The following KIF27 variants were observed in gnomAD, a reference collection of about 807,000 sequenced individuals.
KIF27 encodes the protein kinesin family member 27.
Under a neutral mutation model 141.8 loss-of-function variants are expected in KIF27, and 84 were observed. That is an observed-to-expected ratio of 0.59 (90% CI 0.50 to 0.71). KIF27 has a LOEUF of 0.71. KIF27 is among the 30% of genes least tolerant of loss of function. The pLI is 0.00. For synonymous variants in KIF27, 471 were observed against 569.5 expected, an observed-to-expected ratio of 0.83 and a Z score of 2.46; for missense variants, 1,306 against 1,628.4, an observed-to-expected ratio of 0.80 and a Z score of 3.41.
chr9:83,918,301 GAGAA>G (rs995478520), intron 1 of KIF27, among the ~76,000 whole-genome samples: 1 of 116,244 alleles, frequency 8.6e-6, no homozygotes, highest in Non-Finnish European at 1.6e-5. Flanking sequence ...CAAAGAGAGA[GAGAA>G]AGAGAGAACG....
At chr9:83,902,138 TATA>T (rs1049110587) in intron 4 of KIF27, among the ~76,000 whole-genome samples, 3 of 152,160 alleles carry the variant, frequency 2.0e-5, no homozygotes, top group African/African-American at 7.2e-5. Context: ...ATGCCTTCTT[TATA>T]ATATTACATG....
At chr9:83,844,347 G>GATATCTATATCT (rs201626105) in intron 16 of KIF27, among the ~76,000 whole-genome samples, 1 of 149,814 alleles carries the variant, frequency 6.7e-6, no homozygotes, top group Non-Finnish European at 1.5e-5. Context: ...TATTTATATA[G>GATATCTATATCT]ATATCTATAT....
intron 13 of KIF27, 107 bp downstream of exon 13, chr9:83,867,577 C>T: frequency 7.4e-7 from 1 of 1,354,784 alleles, no homozygotes. Context: ...CCAATTTCTC[C>T]ACCTCCTCCC....
chr9:83,888,548 G>A lies in KIF27; in HGVS notation c.2024C>T (p.Ser675Phe). 1 of 1,597,970 alleles carries A rather than the reference G, an allele frequency of 6.3e-7. No individual in the cohort carries two copies. Among genetic ancestry groups the A allele is most frequent in the Middle Eastern group, 1.7e-4 (1 of 6,016 alleles). Reference sequence around the variant, plus strand: ...CTGAGTATCACTCAATTCAACAAGGGAACAAACAGAGTCTGGCTTCTGAAT... The same window carrying A: ...CTGAGTATCACTCAATTCAACAAGGAAACAAACAGAGTCTGGCTTCTGAAT... Reference protein sequence around the residue: ...SWIQKPDSVCSLVELSDTQDE... With the variant: ...SWIQKPDSVCFLVELSDTQDE... Residue 675 changes from serine (S) to phenylalanine (F), a missense_variant, in exon 8 of 18, where the codon TCC becomes TTC. This residue lies in a region of KIF27 where 596 missense variants were observed against 751.6 expected (regional missense o/e 0.79). Coordinates refer to ENST00000297814, the MANE Select transcript of KIF27 (RefSeq NM_017576.4).
intron 2 of KIF27, 27 bp downstream of exon 2, chr9:83,915,267 A>G (rs1955576103): frequency 1.4e-5 from 22 of 1,550,948 alleles, no homozygotes; most frequent in Non-Finnish European, 1.9e-5. Flanking sequence ...CGTCACAAAT[A>G]AAAGTCAAAG....
intron 11 of KIF27, among the ~76,000 whole-genome samples, chr9:83,875,932 G>T (rs1325198953): frequency 6.6e-6 from 1 of 151,744 alleles, no homozygotes; most frequent in Non-Finnish European, 1.5e-5. Flanking sequence ...GTAAGAAAGG[G>T]ATGGGAAAAA....
intron 10 of KIF27, among the ~76,000 whole-genome samples, chr9:83,883,152 A>G (rs1197918978): frequency 6.6e-6 from 1 of 152,222 alleles, no homozygotes; most frequent in Non-Finnish European, 1.5e-5. Context: ...AAATGTTTCT[A>G]TAACATGAAA....
rs758653034 is a variant in KIF27 at position 83,915,627 on chromosome 9, A to T, written c.-36T>A. On this transcript the variant is annotated 5_prime_UTR_variant, in exon 2 of 18. Coordinates refer to ENST00000297814, the MANE Select transcript of KIF27 (RefSeq NM_017576.4). ...ATTTTACTAAATAGATTTTCTATTT[A>T]ATGTTCAGTATCTAGTGTGAGAGAC... 3.3e-5 allele frequency: 51 copies of T among 1,527,364 alleles called. No individual in the cohort carries two copies. The highest frequency in any genetic ancestry group is 4.5e-5 in the Non-Finnish European group (51 of 1,131,736). The allele number at this position is 1,527,364 out of a possible 1,614,324, so 94.6% of individuals were successfully genotyped here.
chr9:83,907,291 AAAATAAAT>A (rs201873830), intron 3 of KIF27, among the ~76,000 whole-genome samples: 33,405 of 138,324 alleles, frequency 0.24, 4,248 homozygotes, highest in East Asian at 0.38. Flanking sequence ...CTCCATCTCA[AAAATAAAT>A]AAATAAATAA....
At chr9:83,845,183 C>A (rs1947099282) in intron 16 of KIF27, among the ~76,000 whole-genome samples, 2 of 152,288 alleles carry the variant, frequency 1.3e-5, no homozygotes, top group South Asian at 2.1e-4. Flanking sequence ...CAAGGCCCCG[C>A]CATCTTCTGC....
chr9:83,909,417 T>C (rs563438956), intron 2 of KIF27, among the ~76,000 whole-genome samples: 1 of 152,140 alleles, frequency 6.6e-6, no homozygotes, highest in South Asian at 2.1e-4. Flanking sequence ...CAAGACCAGC[T>C]TGGGAAACAT....
rs1587825480 is a variant in KIF27, at chr9:83,835,838, G to A, written c.*1163C>T. 1.3e-5 allele frequency: 2 copies of A among 152,080 alleles called. No homozygotes were observed. The highest frequency in any genetic ancestry group is 2.1e-4 in the South Asian group (1 of 4,834). The allele number at this position is 152,080 out of a possible 1,614,324, so 9.4% of individuals were successfully genotyped here. The stretch of plus-strand genomic sequence containing the variant: ...TAATTAGTTTAAGAAACTCAACTTC[G>A]GTTTACAAGTGTTTTGGAAAAGTAA... On this transcript the variant is annotated 3_prime_UTR_variant, in exon 18 of 18. Transcript: ENST00000297814.
At position 83,850,261 on chromosome 9, in the gene KIF27, A is replaced by C. The variant is rs1200882258; in HGVS notation, c.3394T>G (p.Leu1132Val). The C allele has an allele frequency of 1.1e-5, 18 of 1,613,862 alleles. No individual in the cohort carries two copies. Among genetic ancestry groups the C allele is most frequent in the Non-Finnish European group, 1.4e-5 (17 of 1,179,796 alleles). ...NLREAERKQQLYNEEMKMKVL... is the reference protein window; with the variant it reads ...NLREAERKQQVYNEEMKMKVL... Reference sequence around the variant, plus strand: ...TTCATTTTCATTTCTTCATTATATAACTGTTGTTTCCGTTCAGCTTCTCGC... The same window carrying C: ...TTCATTTTCATTTCTTCATTATATACCTGTTGTTTCCGTTCAGCTTCTCGC... The change falls in exon 16 of 18, where the codon TTA becomes GTA. Residue 1132 changes from leucine (L) to valine (V), a missense_variant. Physicochemically the swap from Leu to Val is conservative, Grantham distance 32. This residue lies in a region of KIF27 where 596 missense variants were observed against 751.6 expected (regional missense o/e 0.79). Transcript: ENST00000297814.
chr9:83,905,144 G>A (rs1954375944), intron 3 of KIF27, among the ~76,000 whole-genome samples: 1 of 150,536 alleles, frequency 6.6e-6, no homozygotes, highest in African/African-American at 2.4e-5. Context: ...TCTTGAGATG[G>A]AGTCTCGCTC....
At chr9:83,910,078 CA>C (rs1954989295) in intron 2 of KIF27, among the ~76,000 whole-genome samples, 2 of 151,930 alleles carry the variant, frequency 1.3e-5, no homozygotes, top group Non-Finnish European at 2.9e-5. Context: ...TACATACATA[CA>C]TACATACGTA....
At position 83,903,632 on chromosome 9, in the gene KIF27, C is replaced by A; in HGVS notation, c.886G>T (p.Ala296Ser). The A allele has an allele frequency of 6.2e-7, 1 of 1,614,172 alleles. No individual in the cohort carries two copies. Among genetic ancestry groups the A allele is most frequent in the Non-Finnish European group, 8.5e-7 (1 of 1,180,020 alleles). ...TCTTTCAGAAGCCGGGTAATTTTAGCATCCCTATATGGAATATGTGAACTC... is the reference window on the plus strand; with the variant it reads ...TCTTTCAGAAGCCGGGTAATTTTAGAATCCCTATATGGAATATGTGAACTC... ...RKSSHIPYRDAKITRLLKDSL... is the reference protein window; with the variant it reads ...RKSSHIPYRDSKITRLLKDSL... Residue 296 changes from alanine to serine, a missense_variant, in exon 4 of 18, where the codon GCT (alanine) becomes TCT (serine). Transcript: ENST00000297814.
At chr9:83,909,116 T>G (rs984841625) in intron 2 of KIF27, among the ~76,000 whole-genome samples, 5 of 152,176 alleles carry the variant, frequency 3.3e-5, no homozygotes, top group African/African-American at 9.7e-5. Context: ...CCTGGTGAGA[T>G]TCTGCTAAAG....
At chr9:83,873,475 A>G (rs1292873491) in intron 11 of KIF27, among the ~76,000 whole-genome samples, 1 of 152,206 alleles carries the variant, frequency 6.6e-6, no homozygotes, top group Non-Finnish European at 1.5e-5. Flanking sequence ...AGTTTCCACC[A>G]TATTTCCAGC....
At chr9:83,920,700 C>T (rs1439524623) in intron 1 of KIF27, among the ~76,000 whole-genome samples, 2 of 152,178 alleles carry the variant, frequency 1.3e-5, no homozygotes, top group Non-Finnish European at 2.9e-5. Flanking sequence ...ATTTTCAACA[C>T]TGGAGACTTA....
Sources: gnomAD v4.1 joint callset for allele counts (sites outside exome capture counted in the v4.1 genomes callset) on GRCh38, gnomAD v4.1.1 for gene constraint, gnomAD v4.1.1 regional missense constraint, MANE v1.5 for transcripts, NCBI Gene and HGNC (gene_info 2026-07-23, HGNC 2026-07-21) for gene names.